Variants in PDE8B observed in about 807,000 individuals in gnomAD.
PDE8B encodes phosphodiesterase 8B.
PDE8B carries 26 observed loss-of-function variants against 101.3 expected under a neutral mutation model. That is an observed-to-expected ratio of 0.26 (90% CI 0.19 to 0.36). The LOEUF (loss-of-function observed/expected upper bound fraction) is 0.36, where lower values mean the gene tolerates loss of function less well. Among genes scored for constraint, PDE8B ranks in the 10% least tolerant of loss-of-function variants. PDE8B has a pLI of 1.00. For missense variants in PDE8B, 810 were observed against 1,163.1 expected (o/e 0.70, Z 4.42); for synonymous variants, 424 against 429.3 (o/e 0.99, Z 0.15).
At chr5:77,282,158 T>G (rs1053348550) in intron 1 of PDE8B, among the ~76,000 whole-genome samples, 2 of 152,024 alleles carry the variant, frequency 1.3e-5, no homozygotes, top group Non-Finnish European at 2.9e-5. Flanking sequence ...GATTTGGGCT[T>G]AATTTAAGCA....
At chr5:77,173,291 A>T in the PDE8B span, among the ~76,000 whole-genome samples, 3 of 152,122 alleles carry the variant, frequency 2.0e-5, no homozygotes, top group Non-Finnish European at 4.4e-5. Context: ...GTATGTGAGG[A>T]GGTTTATGTG....
chr5:77,349,498 A>C lies in PDE8B; in HGVS notation c.956A>C (p.Lys319Thr). The C allele has an allele frequency of 1.9e-6, 3 of 1,614,202 alleles. No individual in the cohort carries two copies. The highest frequency in any genetic ancestry group is 2.5e-6 in the Non-Finnish European group (3 of 1,180,014). ...LLGKELADLP[K>T]SDKNRADLLD... ...GGAAAAGAACTCGCTGATCTGCCCA[A>C]AAGCGATAAGAACCGGGCAGACCTT... Residue 319 changes from lysine (K) to threonine (T), a missense_variant, in exon 8 of 22, where the codon AAA (lysine) becomes ACA (threonine). By Grantham distance (78) the Lys-to-Thr change is moderately conservative (BLOSUM62 -1). This residue lies in a region of PDE8B where 251 missense variants were observed against 378.8 expected (regional missense o/e 0.66). Transcript: ENST00000264917.
Position 77,281,949 on chromosome 5 carries a change from G to A in PDE8B, c.340-30045G>A, listed in dbSNP as rs541839316. Among the ~76,000 whole-genome samples the A allele has an allele frequency of 5.3e-5, 8 of 152,230 alleles. No individual in the cohort carries two copies. The South Asian group carries it at 8.3e-4, about 16-fold the overall frequency. ...AGCGATCTGAGGTTTTCAGAGTCTG[G>A]GGGTGTTGGTGGCAGCTAATACTTA... On this transcript the variant is annotated intron_variant, in intron 1 of 21. Transcript: ENST00000264917.
chr5:77,160,629 A>G, the PDE8B span, among the ~76,000 whole-genome samples: 9 of 151,946 alleles, frequency 5.9e-5, no homozygotes, highest in African/African-American at 1.9e-4. Flanking sequence ...ATTTAACGGT[A>G]TGTATATCTT....
the PDE8B span, among the ~76,000 whole-genome samples, chr5:77,098,319 T>G: frequency 6.6e-6 from 1 of 151,722 alleles, no homozygotes; most frequent in Non-Finnish European, 1.5e-5. Flanking sequence ...AGTCTTGTTC[T>G]GTCACCCAGA....
the PDE8B span, among the ~76,000 whole-genome samples, chr5:77,165,984 A>G: frequency 3.0e-5 from 4 of 134,920 alleles, no homozygotes; most frequent in Non-Finnish European, 6.8e-5. Context: ...TCAAAAAAAA[A>G]AAAAAAAGAA....
chr5:77,140,105 C>T, the PDE8B span: 3 of 152,200 alleles, frequency 2.0e-5, no homozygotes, highest in Admixed American at 6.5e-5. Context: ...GGCATCCTAC[C>T]GATATCACCA....
intron 20 of PDE8B, among the ~76,000 whole-genome samples, chr5:77,423,450 AG>A (rs909861653): frequency 6.6e-6 from 1 of 151,964 alleles, no homozygotes; most frequent in Admixed American, 6.6e-5. Context: ...TGCTTTCCAC[AG>A]GGGCTAGCTG....
the PDE8B span, among the ~76,000 whole-genome samples, chr5:77,181,961 A>C: frequency 6.6e-6 from 1 of 152,174 alleles, no homozygotes; most frequent in African/African-American, 2.4e-5. Context: ...ACCTTGAATA[A>C]GTTATTTTAA....
chr5:77,324,601 G>A (rs1775711456), intron 2 of PDE8B, among the ~76,000 whole-genome samples: 1 of 152,206 alleles, frequency 6.6e-6, no homozygotes, highest in Non-Finnish European at 1.5e-5. Context: ...ATCAATAGAA[G>A]CACTTTTCCC....
intron 10 of PDE8B, among the ~76,000 whole-genome samples, chr5:77,371,688 T>A (rs1353121544): frequency 6.6e-6 from 1 of 152,230 alleles, no homozygotes; most frequent in African/African-American, 2.4e-5. Flanking sequence ...AATTGATATT[T>A]GATGATATTG....
chr5:77,246,815 A>G (rs1244452962), intron 1 of PDE8B: 1 of 152,194 alleles, frequency 6.6e-6, no homozygotes, highest in Admixed American at 6.5e-5. Context: ...TACAAAGGAA[A>G]AGAGCCAGCA....
chr5:77,368,195 CTG>C (rs2150640771), intron 10 of PDE8B, among the ~76,000 whole-genome samples: 1 of 152,334 alleles, frequency 6.6e-6, no homozygotes, highest in Admixed American at 6.5e-5. Context: ...TCCAGAATCA[CTG>C]TATTAAAGCC....
intron 6 of PDE8B, among the ~76,000 whole-genome samples, chr5:77,338,953 G>GCAGT (rs747651395): frequency 3.3e-5 from 5 of 152,204 alleles, no homozygotes; most frequent in South Asian, 2.1e-4. Context: ...TACAGATTCT[G>GCAGT]CAGTGCACAT....
At chr5:77,413,448 G>T in intron 17 of PDE8B, 139 bp downstream of exon 17, 1 of 690,774 alleles carries the variant, frequency 1.4e-6, no homozygotes, top group Admixed American at 2.4e-5. Flanking sequence ...TTACCAAATT[G>T]ACTAGTCACT....
At chr5:77,371,864 C>T (rs1394078137) in intron 10 of PDE8B, among the ~76,000 whole-genome samples, 1 of 152,084 alleles carries the variant, frequency 6.6e-6, no homozygotes, top group African/African-American at 2.4e-5. Flanking sequence ...GAATTGATTT[C>T]TAAGTTCATT....
At chr5:77,319,446 A>G (rs956273673) in intron 2 of PDE8B, among the ~76,000 whole-genome samples, 1 of 152,224 alleles carries the variant, frequency 6.6e-6, no homozygotes, top group Non-Finnish European at 1.5e-5. Context: ...TGATAAACCC[A>G]AATGACATTA....
chr5:77,106,465 T>G, the PDE8B span, among the ~76,000 whole-genome samples: 2,124 of 152,318 alleles, frequency 0.014, 60 homozygotes, highest in African/African-American at 0.047. Context: ...CCATACATGT[T>G]TGGGTCTATT....
chr5:77,202,043 T>C, the PDE8B span, among the ~76,000 whole-genome samples: 1 of 152,130 alleles, frequency 6.6e-6, no homozygotes, highest in African/African-American at 2.4e-5. Context: ...ACCAGTCTTA[T>C]TGGATTAGGG....
Sources: allele counts gnomAD v4.1 joint callset (sites outside exome capture counted in the v4.1 genomes callset), GRCh38; gene constraint gnomAD v4.1.1; regional missense constraint gnomAD v4.1.1; transcripts MANE v1.5; gene names NCBI Gene and HGNC (gene_info 2026-07-23, HGNC 2026-07-21).